Variants in ANKFN1 observed in about 807,000 individuals in gnomAD.
ANKFN1 encodes ankyrin repeat and fibronectin type III domain containing 1, also known as ankyrin repeat and fibronectin type-III domain-containing protein 1.
A neutral mutation model predicts 108.7 loss-of-function variants in ANKFN1; 74 were observed. That is an observed-to-expected ratio of 0.68 (90% CI 0.56 to 0.83). The LOEUF (loss-of-function observed/expected upper bound fraction) is 0.83. Ranked by LOEUF, ANKFN1 falls within the 40% of genes least tolerant of loss-of-function variation. The probability of loss-of-function intolerance (pLI) is 0.00; values close to 1 mark genes in which losing one functional copy is unlikely to be tolerated. For synonymous variants in ANKFN1, 547 were observed against 516.2 expected, an observed-to-expected ratio of 1.06 and a Z score of -0.81; for missense variants, 1,505 against 1,382.3, an observed-to-expected ratio of 1.09 and a Z score of -1.41.
intron 8 of ANKFN1, among the ~76,000 whole-genome samples, chr17:56,433,476 AT>A (rs1677062314): frequency 6.6e-6 from 1 of 152,154 alleles, no homozygotes; most frequent in Non-Finnish European, 1.5e-5. Flanking sequence ...GTATATATAT[AT>A]GATGGAATAC....
At chr17:56,317,326 C>A (rs1243602852) in intron 3 of ANKFN1, among the ~76,000 whole-genome samples, 1 of 152,164 alleles carries the variant, frequency 6.6e-6, no homozygotes, top group African/African-American at 2.4e-5. Flanking sequence ...TTTTTAGATG[C>A]TTTAGCAAAA....
chr17:56,241,109 A>C (rs1304116167), intron 3 of ANKFN1, among the ~76,000 whole-genome samples: 1 of 152,006 alleles, frequency 6.6e-6, no homozygotes, highest in African/African-American at 2.4e-5. Flanking sequence ...CTGTTATGTA[A>C]GTTTTAAAGT....
intron 8 of ANKFN1, among the ~76,000 whole-genome samples, chr17:56,375,700 A>AT (rs770122352): frequency 1.3e-5 from 2 of 152,196 alleles, no homozygotes; most frequent in African/African-American, 4.8e-5. Context: ...CAATGGCAGC[A>AT]TTGGGAAAAG....
Position 56,457,962 on chromosome 17 carries a change from G to C in ANKFN1, c.1540G>C (p.Ala514Pro), listed in dbSNP as rs1468932181. Residue 514 changes from alanine (A) to proline (P), a missense_variant, in exon 14 of 21, where the codon GCA (alanine) becomes CCA (proline). Coordinates refer to ENST00000682825, the MANE Select transcript of ANKFN1 (RefSeq NM_001370326.1). ...GCAAACTCGGCAGAAGATGCTCGCA[G>C]CAACAGCACAGCTACAGGTAAGGGA... ...VLQTRQKMLA[A>P]TAQLQNLLGT... The C allele has an allele frequency of 2.5e-6, 4 of 1,613,776 alleles. No individual in the cohort carries two copies. Among genetic ancestry groups the C allele is most frequent in the Non-Finnish European group, 3.4e-6 (4 of 1,179,892 alleles).
At chr17:56,368,124 C>A in intron 6 of ANKFN1, 1 of 1,250,642 alleles carries the variant, frequency 8.0e-7, no homozygotes, top group Non-Finnish European at 1.1e-6. Flanking sequence ...TGACAATGAG[C>A]CTGATCACTA....
intron 6 of ANKFN1, among the ~76,000 whole-genome samples, chr17:56,362,364 G>T (rs1407571462): frequency 6.6e-6 from 1 of 152,054 alleles, no homozygotes; most frequent in Non-Finnish European, 1.5e-5. Flanking sequence ...GAATCCACTA[G>T]CCACATATGA....
intron 1 of ANKFN1, among the ~76,000 whole-genome samples, chr17:56,185,349 A>G (rs181690271): frequency 1.3e-5 from 2 of 152,334 alleles, no homozygotes; most frequent in Admixed American, 1.3e-4. Flanking sequence ...GAGAAATAGA[A>G]AAGGAAAAAA....
chr17:56,126,194 A>G (rs1906917219), intron 4 of ANKFN1, among the ~76,000 whole-genome samples: 2 of 152,204 alleles, frequency 1.3e-5, no homozygotes, highest in South Asian at 4.1e-4. Context: ...TCAGTCCTCC[A>G]GGGGTGTTTT....
In ANKFN1 at chr17:56,069,827, G is replaced by A. The variant is rs374293362; in HGVS notation, c.288+23502G>A. On this transcript the variant is annotated intron_variant, in intron 4 of 12. Transcript: ENST00000635860. The stretch of plus-strand genomic sequence containing the variant: ...GGAACAAAAGAATGGCTACTCCATA[G>A]ACAGAGCAGCCCCTAGGGCTGCTGG... Among the ~76,000 whole-genome samples the A allele has an allele frequency of 1.2e-4, 18 of 152,342 alleles. No individual in the cohort carries two copies. In the East Asian group the frequency reaches 3.5e-3, roughly 29 times the overall value.
intron 8 of ANKFN1, among the ~76,000 whole-genome samples, chr17:56,436,406 A>T (rs1435995813): frequency 6.6e-6 from 1 of 152,184 alleles, no homozygotes; most frequent in Non-Finnish European, 1.5e-5. Context: ...TATCTTAAAC[A>T]TTACAAGTTT....
intron 6 of ANKFN1, among the ~76,000 whole-genome samples, chr17:56,358,341 T>A (rs1415975970): frequency 6.6e-6 from 1 of 152,138 alleles, no homozygotes; most frequent in Non-Finnish European, 1.5e-5. Context: ...CTTAACTAAC[T>A]CCCAAACCAT....
At chr17:56,092,775 T>G (rs1293861570) in intron 4 of ANKFN1, among the ~76,000 whole-genome samples, 2 of 150,948 alleles carry the variant, frequency 1.3e-5, no homozygotes, top group African/African-American at 4.9e-5. Flanking sequence ...AAGCTCATTT[T>G]GTTGGCAGAA....
intron 14 of ANKFN1, among the ~76,000 whole-genome samples, chr17:56,458,200 C>T (rs2049779373): frequency 6.6e-6 from 1 of 152,060 alleles, no homozygotes; most frequent in African/African-American, 2.4e-5. Context: ...GTGAGTCTCT[C>T]TTGAACAGTA....
At chr17:56,177,584 C>A (rs1339743355) in intron 1 of ANKFN1, among the ~76,000 whole-genome samples, 1 of 152,182 alleles carries the variant, frequency 6.6e-6, no homozygotes, top group East Asian at 1.9e-4. Context: ...GTGACTCCCA[C>A]GTTCCAGATG....
At chr17:56,202,821 G>A (rs1253030470) in intron 1 of ANKFN1, among the ~76,000 whole-genome samples, 5 of 152,110 alleles carry the variant, frequency 3.3e-5, no homozygotes, top group African/African-American at 9.7e-5. Context: ...AAAATATAAT[G>A]ATGCGAAAGA....
chr17:56,382,853 G>C (rs1227016813), intron 8 of ANKFN1, among the ~76,000 whole-genome samples: 1 of 152,138 alleles, frequency 6.6e-6, no homozygotes, highest in East Asian at 1.9e-4. Context: ...CCTACAAAGA[G>C]ACTTAGACTC....
intron 4 of ANKFN1, among the ~76,000 whole-genome samples, chr17:56,076,671 A>G (rs181455657): frequency 2.6e-5 from 4 of 152,322 alleles, no homozygotes; most frequent in African/African-American, 9.6e-5. Flanking sequence ...ATTGATAACA[A>G]TAGCCTCTAC....
rs112458792 is a variant in ANKFN1, at chr17:56,448,189, G to C, written c.1100-890G>C. Reference sequence around the variant, plus strand: ...TCTCAACTAAGAAAGACATTAAGTTGTTGCTTTCTGTTTTTTCCTCCAGAA... The same window carrying C: ...TCTCAACTAAGAAAGACATTAAGTTCTTGCTTTCTGTTTTTTCCTCCAGAA... On this transcript the variant is annotated intron_variant, in intron 10 of 20. Coordinates refer to ENST00000682825, the MANE Select transcript of ANKFN1 (RefSeq NM_001370326.1). 1.1e-4 allele frequency among the ~76,000 whole-genome samples: 16 copies of C among 152,008 alleles called. 2 individuals are homozygous for C. The highest frequency in any genetic ancestry group is 3.9e-4 in the African/African-American group (16 of 41,442).
chr17:56,441,718 C>T (rs1335708875), intron 9 of ANKFN1, among the ~76,000 whole-genome samples: 1 of 152,178 alleles, frequency 6.6e-6, no homozygotes, highest in Non-Finnish European at 1.5e-5. Context: ...TTCCACTTGA[C>T]CATCTAATGA....
Sources: allele counts gnomAD v4.1 joint callset (sites outside exome capture counted in the v4.1 genomes callset), GRCh38; gene constraint gnomAD v4.1.1; transcripts MANE v1.5; gene names NCBI Gene and HGNC (gene_info 2026-07-23, HGNC 2026-07-21).